Variants in TLE4 observed in about 807,000 individuals in gnomAD.
The protein encoded by TLE4 is transducin-like enhancer protein 4.
TLE4 carries 8 observed loss-of-function variants against 92.8 expected under a neutral mutation model. The observed-to-expected ratio is 0.09, with a 90% confidence interval of 0.05 to 0.16. The LOEUF (loss-of-function observed/expected upper bound fraction) is 0.16. Among genes scored for constraint, TLE4 ranks in the 10% least tolerant of loss-of-function variants. TLE4 has a pLI of 1.00. For synonymous variants in TLE4, 371 were observed against 374.1 expected (o/e 0.99, Z 0.10); for missense variants, 675 against 997.6 (o/e 0.68, Z 4.36).
intron 4 of TLE4, among the ~76,000 whole-genome samples, chr9:79,605,278 C>T (rs1380172674): frequency 6.6e-6 from 1 of 152,130 alleles, no homozygotes; most frequent in Non-Finnish European, 1.5e-5. Flanking sequence ...TTTCTATTTT[C>T]CCTGCCTCTC....
chr9:79,656,793 C>G (rs959694213), intron 8 of TLE4, among the ~76,000 whole-genome samples: 2 of 152,146 alleles, frequency 1.3e-5, no homozygotes, highest in Non-Finnish European at 2.9e-5. Flanking sequence ...AGCTTATAAA[C>G]TATAAATTTA....
At chr9:79,676,043 T>C (rs1414089290) in intron 8 of TLE4, among the ~76,000 whole-genome samples, 5 of 152,098 alleles carry the variant, frequency 3.3e-5, no homozygotes, top group African/African-American at 1.2e-4. Context: ...TTGAACTGAT[T>C]AGATAACAGG....
At chr9:79,716,783 T>G (rs1466177281) in intron 14 of TLE4, among the ~76,000 whole-genome samples, 1 of 152,242 alleles carries the variant, frequency 6.6e-6, no homozygotes, top group African/African-American at 2.4e-5. Context: ...ACTGACCATC[T>G]GACATTTTGA....
At chr9:79,714,531 A>G (rs1446365203) in intron 14 of TLE4, among the ~76,000 whole-genome samples, 2 of 152,088 alleles carry the variant, frequency 1.3e-5, no homozygotes, top group East Asian at 1.9e-4. Flanking sequence ...TATTTTTTCC[A>G]TCTTTCTCTT....
At chr9:79,602,817 T>A (rs757094431) in intron 4 of TLE4, among the ~76,000 whole-genome samples, 28 of 152,202 alleles carry the variant, frequency 1.8e-4, no homozygotes, top group Non-Finnish European at 4.1e-4. Context: ...AGATAATGAT[T>A]CTTCTGGTGA....
chr9:79,724,968 C>G, intron 19 of TLE4, 69 bp from the exon 20 acceptor site: 2 of 1,098,886 alleles, frequency 1.8e-6, no homozygotes, highest in South Asian at 2.5e-5. Context: ...TGCATTTGCT[C>G]TAAGTCCTCC....
At chr9:79,680,620 C>A (rs1384107696) in intron 8 of TLE4, among the ~76,000 whole-genome samples, 1 of 152,154 alleles carries the variant, frequency 6.6e-6, no homozygotes, top group African/African-American at 2.4e-5. Context: ...CCCTTTATTT[C>A]CTTCTCCTGC....
Position 79,722,564 on chromosome 9 carries a change from T to C in TLE4, c.2100T>C (p.His700=). The change falls in exon 18 of 20, where the codon CAT becomes CAC. Residue 700 remains histidine, a synonymous_variant. Coordinates refer to ENST00000376552, the MANE Select transcript of TLE4 (RefSeq NM_007005.6). ...TKPDKYQLHL[H]ESCVLSLKFA... is the part of the protein sequence containing the mutation. ...CAGACAAATACCAACTACATCTTCA[T>C]GAGAGCTGTGTGCTGTCGCTCAAGT... 6.2e-7 allele frequency: 1 copy of C among 1,614,198 alleles called. No homozygotes were observed. Among genetic ancestry groups the C allele is most frequent in the South Asian group, 1.1e-5 (1 of 91,084 alleles).
intron 4 of TLE4, chr9:79,601,613 G>A (rs867081402): frequency 4.1e-5 from 16 of 389,984 alleles, no homozygotes; most frequent in African/African-American, 2.1e-4. Context: ...TTAGAGTGCC[G>A]TGAACTGTGC....
chr9:79,666,849 C>T (rs1321884774), intron 8 of TLE4, among the ~76,000 whole-genome samples: 1 of 152,156 alleles, frequency 6.6e-6, no homozygotes, highest in South Asian at 2.1e-4. Flanking sequence ...TGATACTTAA[C>T]CTGTTGGGCC....
chr9:79,602,187 T>A (rs2045814613), intron 4 of TLE4, among the ~76,000 whole-genome samples: 1 of 152,108 alleles, frequency 6.6e-6, no homozygotes, highest in South Asian at 2.1e-4. Flanking sequence ...CTCCATAATG[T>A]GAAAGTACAA....
intron 6 of TLE4, among the ~76,000 whole-genome samples, chr9:79,630,817 GC>G (rs1451752195): frequency 6.6e-6 from 1 of 152,232 alleles, no homozygotes; most frequent in Admixed American, 6.5e-5. Flanking sequence ...AATAAAGGAG[GC>G]TGACTTGGAA....
intron 6 of TLE4, 66 bp downstream of exon 6, chr9:79,627,514 T>C: frequency 6.6e-7 from 1 of 1,522,640 alleles, no homozygotes; most frequent in Non-Finnish European, 9.1e-7. Flanking sequence ...CTCTCTCTTT[T>C]TACATTTTGT....
At position 79,574,222 on chromosome 9, in the gene TLE4, T is replaced by TA. The variant is rs773345484; in HGVS notation, c.143+450dup. On this transcript the variant is annotated intron_variant, in intron 2 of 19. Transcript: ENST00000376552. ...GTGAGCGATTTCATTACTTTTATGC[T>TA]AAAAAAAAAAAAAATGTTTTCATCT... is the stretch of plus-strand genomic sequence containing the variant. 5.4e-3 allele frequency: 763 copies of TA among 141,170 alleles called. 1 individual carries two copies. The highest frequency in any genetic ancestry group is 8.4e-3 in the South Asian group (37 of 4,428). 8.7% of individuals were successfully genotyped at this position (141,170 alleles called of 1,614,324 possible).
intron 6 of TLE4, among the ~76,000 whole-genome samples, chr9:79,652,102 A>ATAC (rs1554743704): frequency 0.53 from 80,792 of 151,376 alleles, 23,832 homozygotes; most frequent in East Asian, 0.73. Context: ...GGTAGCATTT[A>ATAC]TTGACTACAC....
chr9:79,674,350 C>G (rs1047540429), intron 8 of TLE4, among the ~76,000 whole-genome samples: 1 of 152,148 alleles, frequency 6.6e-6, no homozygotes. Flanking sequence ...AGTAAGTTGC[C>G]TCTGGTTCAC....
At chr9:79,579,017 A>G (rs1475051836) in intron 4 of TLE4, among the ~76,000 whole-genome samples, 3 of 152,130 alleles carry the variant, frequency 2.0e-5, no homozygotes, top group Non-Finnish European at 2.9e-5. Context: ...AAGTTCTAGC[A>G]TAAAAGTGAA....
chr9:79,609,416 TTTTA>T (rs1006628620), intron 4 of TLE4, among the ~76,000 whole-genome samples: 1 of 152,078 alleles, frequency 6.6e-6, no homozygotes, highest in African/African-American at 2.4e-5. Flanking sequence ...ATCATTTTTA[TTTTA>T]TTTATTTTTT....
intron 6 of TLE4, among the ~76,000 whole-genome samples, chr9:79,642,979 ATGAGTTACAGATAAGC>A (rs1190995699): frequency 6.6e-6 from 1 of 152,208 alleles, no homozygotes; most frequent in East Asian, 1.9e-4. Context: ...GTCATCAGGA[ATGAGTTACAGATAAGC>A]TTAGTTTGAA....
Sources: allele counts gnomAD v4.1 joint callset (sites outside exome capture counted in the v4.1 genomes callset), GRCh38; gene constraint gnomAD v4.1.1; transcripts MANE v1.5; gene names NCBI Gene and HGNC (gene_info 2026-07-23, HGNC 2026-07-21).